Variants in CELSR2 observed in about 807,000 individuals in gnomAD.
The protein encoded by CELSR2 is cadherin EGF LAG seven-pass G-type receptor 2, also known as EGF-like protein 2.
In CELSR2, 81 loss-of-function variants were observed where a neutral mutation model predicts 251.6. The ratio of observed to expected loss-of-function variants is 0.32; its 90% confidence interval spans 0.27 to 0.39. The LOEUF (loss-of-function observed/expected upper bound fraction) is 0.39, where lower values mean the gene tolerates loss of function less well. Among genes scored for constraint, CELSR2 ranks in the 10% least tolerant of loss-of-function variants. The pLI, the probability that CELSR2 is intolerant of heterozygous loss-of-function variation, is 1.00. For synonymous variants in CELSR2, 1,721 were observed against 1,670.5 expected, an observed-to-expected ratio of 1.03 and a Z score of -0.74; for missense variants, 3,365 against 3,947.7, an observed-to-expected ratio of 0.85 and a Z score of 3.96.
At chr1:109,267,828 C>G (rs1166510858) in intron 16 of CELSR2, 23 bp from the exon 17 acceptor site, 1 of 1,590,664 alleles carries the variant, frequency 6.3e-7, no homozygotes, top group East Asian at 2.3e-5. Flanking sequence ...CTCACTCCTG[C>G]TCCTCCGCTC....
intron 13 of CELSR2, 67 bp downstream of exon 13, chr1:109,265,378 AG>A: frequency 1.6e-5 from 24 of 1,505,902 alleles, no homozygotes; most frequent in Non-Finnish European, 2.1e-5. Context: ...TGGGCCCTAG[AG>A]GGCAGGCTGT....
At chr1:109,262,146 T>C in intron 5 of CELSR2, 141 bp from the exon 6 acceptor site, 1 of 1,239,212 alleles carries the variant, frequency 8.1e-7, no homozygotes, top group South Asian at 1.5e-5. Flanking sequence ...ATAAACCACG[T>C]GAGCACACGT....
In CELSR2 at chr1:109,270,006, C is replaced by T. The variant is rs1458944991; in HGVS notation, c.7181C>T (p.Thr2394Ile). ...LGVTLAALLL[T>I]FFFLTLLRIL... ...GTCACCTTGGCTGCCCTTCTGCTCA[C>T]CTTCTTCTTCCTCACTCTCTTGCGT... The change falls in exon 23 of 34, where the codon ACC becomes ATC. Residue 2394 changes from threonine (T) to isoleucine (I), a missense_variant. Transcript: ENST00000271332. The T allele has an allele frequency of 1.2e-6, 2 of 1,614,012 alleles. No homozygotes were observed. Among genetic ancestry groups the T allele is most frequent in the African/African-American group, 2.7e-5 (2 of 74,898 alleles).
At chr1:109,254,428 G>C (rs1423919050) in intron 1 of CELSR2, among the ~76,000 whole-genome samples, 1 of 152,208 alleles carries the variant, frequency 6.6e-6, no homozygotes, top group African/African-American at 2.4e-5. Flanking sequence ...GAGGGGGTTG[G>C]TGACAGTATT....
chr1:109,266,512 C>T (rs1388977195), intron 15 of CELSR2: 6 of 200,346 alleles, frequency 3.0e-5, no homozygotes, highest in African/African-American at 4.8e-5. Flanking sequence ...CTCCCAGGTT[C>T]AAGCAATTTT....
In CELSR2 at chr1:109,268,750, T is replaced by A; in HGVS notation, c.6488T>A (p.Val2163Asp). Residue 2163 changes from valine (V) to aspartate (D), a missense_variant, in exon 18 of 34, where the codon GTC becomes GAC. This residue lies in a region of CELSR2 where 2,093 missense variants were observed against 2,382.8 expected (regional missense o/e 0.88). Coordinates refer to ENST00000271332, the MANE Select transcript of CELSR2 (RefSeq NM_001408.3). ...ACCTACCTAAGCCCCTTCACCATCG[T>A]CACGCCCAACATTGGTAAGGCTGGT... ...RHTYLSPFTI[V>D]TPNIVISVVR... The A allele has an allele frequency of 1.2e-6, 2 of 1,601,638 alleles. No homozygotes were observed. Among genetic ancestry groups the A allele is most frequent in the Non-Finnish European group, 1.7e-6 (2 of 1,170,280 alleles).
rs1655684427 is a variant in CELSR2, at chr1:109,251,418, T to A, written c.1339T>A (p.Phe447Ile). The change falls in exon 1 of 34, where the codon TTT (phenylalanine) becomes ATT (isoleucine). Residue 447 changes from phenylalanine (F) to isoleucine (I), a missense_variant. Physicochemically the swap from Phe to Ile is conservative, Grantham distance 21. This residue lies in a region of CELSR2 where 704 missense variants were observed against 784.1 expected (regional missense o/e 0.90). Transcript: ENST00000271332. The surrounding 1 kb of genome is among the most constrained non-coding windows in gnomAD (Gnocchi z 4.9). ...CATGAGTGGCAATGCTCGGGGACAG[T>A]TTTATCTGGATGCCCAGACTGGAGC... The part of the protein sequence containing the change: ...SIMSGNARGQ[F>I]YLDAQTGALD... The A allele has an allele frequency of 1.9e-6, 3 of 1,613,666 alleles. No homozygotes were observed.
At position 109,250,976 on chromosome 1, in the gene CELSR2, G is replaced by A. The variant is rs1214821296; in HGVS notation, c.897G>A (p.Arg299=). 1.2e-6 allele frequency: 2 copies of A among 1,613,548 alleles called. No individual in the cohort carries two copies. The highest frequency in any genetic ancestry group is 3.3e-5 in the Admixed American group (2 of 60,016). The change falls in exon 1 of 34, where the codon AGG becomes AGA. Residue 299 remains arginine (R), a synonymous_variant. Transcript: ENST00000271332. The surrounding 1 kb of genome is among the most constrained non-coding windows in gnomAD (Gnocchi z 4.4). ...AGCAGGAGTACAAGGAGAGCCTCAGGGAGAACCTGGAGGTTGGCTATGAGG... is the reference window on the plus strand; with the variant it reads ...AGCAGGAGTACAAGGAGAGCCTCAGAGAGAACCTGGAGGTTGGCTATGAGG... ...FEQQEYKESL[R]ENLEVGYEVL...
intron 15 of CELSR2, 63 bp from the exon 16 acceptor site, chr1:109,267,485 G>C (rs1441781788): frequency 1.3e-6 from 2 of 1,494,948 alleles, no homozygotes; most frequent in Non-Finnish European, 1.8e-6. Context: ...GAACCTCTCA[G>C]CCAGTCTCAG....
chr1:109,266,050 G>C, intron 14 of CELSR2, 55 bp from the exon 15 acceptor site: 3 of 1,602,366 alleles, frequency 1.9e-6, no homozygotes, highest in Non-Finnish European at 2.6e-6. Flanking sequence ...GGGGAGCCTG[G>C]GCAGGACAGC....
chr1:109,267,172 G>GGGGAGTA (rs1656222371), intron 15 of CELSR2, among the ~76,000 whole-genome samples: 1 of 151,992 alleles, frequency 6.6e-6, no homozygotes, highest in Admixed American at 6.5e-5. Context: ...CAGACAGTCT[G>GGGGAGTA]GGGAGTAGGG....
intron 2 of CELSR2, among the ~76,000 whole-genome samples, chr1:109,260,191 G>C (rs974511638): frequency 7.7e-5 from 11 of 143,696 alleles, no homozygotes; most frequent in East Asian, 4.3e-4. Flanking sequence ...GGGAGGGGGG[G>C]GGTTAGAGCA....
chr1:109,274,115 C>G lies in CELSR2; in HGVS notation c.*66C>G, dbSNP rs934404805. On this transcript the variant is annotated 3_prime_UTR_variant, in exon 34 of 34. Transcript: ENST00000271332. ...CCCCAGCCGCACTCATGCCCTGCTC[C>G]TGTCTTGTGCTTTATCCTGCCCCGC... 1.9e-6 allele frequency: 3 copies of G among 1,613,268 alleles called. No individual in the cohort carries two copies. The highest frequency in any genetic ancestry group is 2.5e-6 in the Non-Finnish European group (3 of 1,179,986).
At chr1:109,262,054 C>G (rs1656035157) in intron 5 of CELSR2, among the ~76,000 whole-genome samples, 158 bp downstream of exon 5, 1 of 152,218 alleles carries the variant, frequency 6.6e-6, no homozygotes. Flanking sequence ...GCTGGGCATT[C>G]CCACCCCACT....
At chr1:109,272,155 T>C in intron 28 of CELSR2, 123 bp from the exon 29 acceptor site, 1 of 1,296,352 alleles carries the variant, frequency 7.7e-7, no homozygotes, top group Non-Finnish European at 1.1e-6. Flanking sequence ...AGCAGGGCCC[T>C]CTCTTTCAGA....
Position 109,252,418 on chromosome 1 carries a change from C to G in CELSR2, c.2339C>G (p.Ser780Cys). The G allele has an allele frequency of 6.2e-7, 1 of 1,613,430 alleles. No individual in the cohort carries two copies. Among genetic ancestry groups the G allele is most frequent in the Non-Finnish European group, 8.5e-7 (1 of 1,180,034 alleles). ...QAELDYEDQV[S>C]YTLAITARDN... is the part of the protein sequence containing the mutation. ...GAGCTGGACTATGAAGACCAAGTGT[C>G]TTACACCCTGGCCATTACTGCTCGG... is the stretch of plus-strand genomic sequence containing the variant. The change falls in exon 1 of 34, where the codon TCT becomes TGT. Residue 780 changes from serine to cysteine, a missense_variant. Ser to Cys is a moderately radical substitution (Grantham distance 112). Transcript: ENST00000271332. The surrounding 1 kb of genome is among the most constrained non-coding windows in gnomAD (Gnocchi z 4.8).
chr1:109,267,118 T>C (rs533718933), intron 15 of CELSR2, among the ~76,000 whole-genome samples: 1 of 152,046 alleles, frequency 6.6e-6, no homozygotes, highest in South Asian at 2.1e-4. Flanking sequence ...AGGGTTCCAA[T>C]CGTCAGCTCA....
intron 15 of CELSR2, among the ~76,000 whole-genome samples, chr1:109,266,721 CTT>C (rs36115271): frequency 0.097 from 11,643 of 120,056 alleles, 566 homozygotes; most frequent in Non-Finnish European, 0.11. Flanking sequence ...ACATTTTGGA[CTT>C]TTTTTTTTTT....
rs1232501867 is a variant in CELSR2 at position 109,251,972 on chromosome 1, G to A, written c.1893G>A (p.Thr631=). The change falls in exon 1 of 34, where the codon ACG becomes ACA. Residue 631 remains threonine, a synonymous_variant. Coordinates refer to ENST00000271332, the MANE Select transcript of CELSR2 (RefSeq NM_001408.3). This position sits in a 1 kb window ranked among gnomAD's most constrained non-coding sequence, Gnocchi z 4.9. The part of the protein sequence containing the change: ...EDAAVGTSVV[T]VSAVDRDAHS... The stretch of plus-strand genomic sequence containing the variant: ...CAGCTGTGGGCACCAGCGTGGTGAC[G>A]GTGTCAGCTGTGGACCGTGATGCTC... 14 of 1,614,088 alleles carry A rather than the reference G, an allele frequency of 8.7e-6. No homozygotes were observed. In the East Asian group the frequency reaches 1.1e-4, roughly 13 times the overall value.
Sources: allele counts gnomAD v4.1 joint callset (sites outside exome capture counted in the v4.1 genomes callset), GRCh38; gene constraint gnomAD v4.1.1; regional missense constraint gnomAD v4.1.1; non-coding constraint Gnocchi (gnomAD v3.1); transcripts MANE v1.5; gene names NCBI Gene and HGNC (gene_info 2026-07-23, HGNC 2026-07-21).